CYP4F3: variants seen among roughly 807,000 people sequenced by gnomAD.
CYP4F3 encodes the protein cytochrome P450 4F3.
A neutral mutation model predicts 54.8 loss-of-function variants in CYP4F3; 50 were observed. That is an observed-to-expected ratio of 0.91 (90% CI 0.73 to 1.16). The LOEUF (loss-of-function observed/expected upper bound fraction) is 1.16, where lower values mean the gene tolerates loss of function less well. Ranked by LOEUF, CYP4F3 falls within the 50% of genes most tolerant of loss-of-function variation. The probability of loss-of-function intolerance (pLI) is 0.00; values close to 1 mark genes in which losing one functional copy is unlikely to be tolerated. For synonymous variants in CYP4F3, 244 were observed against 262.6 expected, an observed-to-expected ratio of 0.93 and a Z score of 0.69; for missense variants, 715 against 676.2, an observed-to-expected ratio of 1.06 and a Z score of -0.64.
intron 7 of CYP4F3, among the ~76,000 whole-genome samples, chr19:15,650,862 CTT>C (rs1464265584): frequency 7.4e-4 from 39 of 52,702 alleles, no homozygotes; most frequent in African/African-American, 2.5e-3. Context: ...TTCTTTCTTT[CTT>C]TCTTTTTCTC....
chr19:15,651,172 C>T (rs1255098637), intron 7 of CYP4F3, among the ~76,000 whole-genome samples: 2 of 141,998 alleles, frequency 1.4e-5, no homozygotes, highest in East Asian at 4.1e-4. Flanking sequence ...CTGTGCCCCA[C>T]CTTGTCATGT....
chr19:15,647,318 C>A lies in CYP4F3; in HGVS notation c.519C>A (p.Ile173=), dbSNP rs139093819. Residue 173 remains isoleucine, a synonymous_variant, in exon 5 of 13, where the codon ATC becomes ATA. Transcript: ENST00000221307. ...AGATTTTCAATGAGAGTGTGAACAT[C>A]ATGCATGTGAGTTATTTGAAGCCAA... is the stretch of plus-strand genomic sequence containing the variant. ...YMKIFNESVN[I]MHAKWQLLAS... 4.3e-5 allele frequency: 70 copies of A among 1,614,222 alleles called. No individual in the cohort carries two copies. The Middle Eastern group carries it at 8.2e-4, about 19-fold the overall frequency.
At chr19:15,641,020 G>A (rs145211579) in intron 1 of CYP4F3, 75 bp downstream of exon 1, 433 of 216,826 alleles carry the variant, frequency 2.0e-3, no homozygotes, top group Non-Finnish European at 3.0e-3. Flanking sequence ...GGGATTGGGC[G>A]CACACATAGG....
rs1327240538 is a variant in CYP4F3, at chr19:15,660,817, A to G, written c.*1432A>G. 4 of 151,232 alleles carry G rather than the reference A, an allele frequency of 2.6e-5. No individual in the cohort carries two copies. In the East Asian group the frequency reaches 5.9e-4, roughly 22 times the overall value. The allele number at this position is 151,232 out of a possible 1,614,324, so 9.4% of individuals were successfully genotyped here. On this transcript the variant is annotated 3_prime_UTR_variant, in exon 13 of 13. Coordinates refer to ENST00000221307, the MANE Select transcript of CYP4F3 (RefSeq NM_000896.3). ...CTGCAACCTCCGCCTCCTGCGTTCA[A>G]GTGATTGTCCTGTCTCAGCCTCCCA...
intron 2 of CYP4F3, among the ~76,000 whole-genome samples, chr19:15,644,714 C>T (rs1279989117): frequency 3.3e-5 from 5 of 152,210 alleles, no homozygotes; most frequent in Non-Finnish European, 7.3e-5. Flanking sequence ...CTTTTCTGCT[C>T]TAGGCCCTGG....
intron 8 of CYP4F3, 91 bp from the exon 9 acceptor site, chr19:15,652,732 C>T (rs950123735): frequency 1.2e-6 from 2 of 1,606,462 alleles, no homozygotes; most frequent in East Asian, 4.5e-5. Context: ...CCCCTTCCCC[C>T]ATCCTCCCTG....
chr19:15,655,209 A>G (rs1193272090), intron 9 of CYP4F3, among the ~76,000 whole-genome samples: 1 of 152,130 alleles, frequency 6.6e-6, no homozygotes, highest in Non-Finnish European at 1.5e-5. Context: ...TGCCCATTTT[A>G]AAATCAGATA....
intron 7 of CYP4F3, among the ~76,000 whole-genome samples, chr19:15,650,630 C>A: frequency 6.7e-6 from 1 of 150,176 alleles, no homozygotes; most frequent in Admixed American, 6.6e-5. Context: ...ATGTTTATGC[C>A]TTTGTGCTCT....
intron 7 of CYP4F3, 138 bp downstream of exon 7, chr19:15,650,321 A>C (rs770638161): frequency 2.6e-6 from 4 of 1,546,762 alleles, no homozygotes; most frequent in Middle Eastern, 1.7e-4. Context: ...CAGGTCAGAG[A>C]TAGGTTTTGG....
rs1170814728 is a variant in CYP4F3 at position 15,647,199 on chromosome 19, G to A, written c.400G>A (p.Asp134Asn). ...FYSFLKPWLG[D>N]GLLLSAGEKW... ...ATGGCCCTTGGCTGCCCTGCCAGGGGATGGGCTCCTGCTGAGTGCTGGTGA... is the reference window on the plus strand; with the variant it reads ...ATGGCCCTTGGCTGCCCTGCCAGGGAATGGGCTCCTGCTGAGTGCTGGTGA... The change falls in exon 5 of 13, where the codon GAT (aspartate) becomes AAT (asparagine). Residue 134 changes from aspartate (D) to asparagine (N), a missense_variant and splice_region_variant. Asp to Asn is a conservative substitution (Grantham distance 23). Coordinates refer to ENST00000221307, the MANE Select transcript of CYP4F3 (RefSeq NM_000896.3). The A allele has an allele frequency of 1.2e-6, 2 of 1,614,136 alleles. No homozygotes were observed. The highest frequency in any genetic ancestry group is 2.7e-5 in the African/African-American group (2 of 74,948).
intron 7 of CYP4F3, among the ~76,000 whole-genome samples, chr19:15,650,746 C>T (rs1394899887): frequency 7.6e-5 from 6 of 79,374 alleles, no homozygotes; most frequent in East Asian, 5.7e-4. Flanking sequence ...CTTTTCCTTC[C>T]TTCCATCTTT....
rs551320769 is a variant in CYP4F3 at position 15,660,540 on chromosome 19, C to T, written c.*1155C>T. The stretch of plus-strand genomic sequence containing the variant: ...CAATTTTATGGACTGGACGTTAACT[C>T]TCTTGCTCAAGGTCACTCTGAGTGG... On this transcript the variant is annotated 3_prime_UTR_variant, in exon 13 of 13. Coordinates refer to ENST00000221307, the MANE Select transcript of CYP4F3 (RefSeq NM_000896.3). The T allele has an allele frequency of 9.0e-6, 1 of 110,788 alleles. No homozygotes were observed. The highest frequency in any genetic ancestry group is 1.8e-5 in the Non-Finnish European group (1 of 54,626). The allele number at this position is 110,788 out of a possible 1,614,324, so 6.9% of individuals were successfully genotyped here.
chr19:15,652,478 C>T, intron 7 of CYP4F3, 91 bp from the exon 8 acceptor site: 2 of 1,555,018 alleles, frequency 1.3e-6, no homozygotes, highest in Non-Finnish European at 1.7e-6. Context: ...GATGAATCTT[C>T]AGAGACTGTC....
At chr19:15,644,825 T>A (rs1407877655) in intron 2 of CYP4F3, among the ~76,000 whole-genome samples, 1 of 152,200 alleles carries the variant, frequency 6.6e-6, no homozygotes, top group African/African-American at 2.4e-5. Flanking sequence ...ACAGGCAGCA[T>A]CCTACAGAGA....
At chr19:15,644,141 T>G in intron 2 of CYP4F3, 2 of 1,378,390 alleles carry the variant, frequency 1.5e-6, no homozygotes, top group Non-Finnish European at 1.9e-6. Flanking sequence ...GCCCCTGCAG[T>G]ACTCTGGTCT....
chr19:15,643,906 G>T, intron 2 of CYP4F3: 1 of 1,563,412 alleles, frequency 6.4e-7, no homozygotes, highest in East Asian at 2.4e-5. Flanking sequence ...CTTGCTTGCA[G>T]GTCACCCCCA....
Position 15,659,237 on chromosome 19 carries a change from C to T in CYP4F3, c.1415C>T (p.Ala472Val), listed in dbSNP as rs759263461. The T allele has an allele frequency of 4.0e-5, 64 of 1,609,846 alleles. No homozygotes were observed. Among genetic ancestry groups the T allele is most frequent in the Non-Finnish European group, 4.7e-5 (55 of 1,178,852 alleles). Residue 472 changes from alanine (A) to valine (V), a missense_variant, in exon 13 of 13, where the codon GCG (alanine) becomes GTG (valine). Ala to Val is a moderately conservative substitution (Grantham distance 64). Transcript: ENST00000221307. ...TCCCCAAGGAACTGCATCGGGCAGG[C>T]GTTCGCGATGGCGGAGATGAAGGTG... Reference protein sequence around the residue: ...SAGPRNCIGQAFAMAEMKVVL... With the variant: ...SAGPRNCIGQVFAMAEMKVVL...
At chr19:15,646,579 T>A (rs1371379254) in intron 3 of CYP4F3, among the ~76,000 whole-genome samples, 2 of 152,276 alleles carry the variant, frequency 1.3e-5, no homozygotes, top group South Asian at 4.1e-4. Context: ...TACCATCTCA[T>A]GTTAGGAATT....
rs372884261 is a variant in CYP4F3 at position 15,658,415 on chromosome 19, G to A, written c.1249+18G>A. The A allele has an allele frequency of 3.1e-6, 5 of 1,613,534 alleles. No homozygotes were observed. The African/African-American group carries it at 5.3e-5, about 17-fold the overall frequency. On this transcript the variant is annotated intron_variant, in intron 10 of 12. Coordinates refer to ENST00000221307, the MANE Select transcript of CYP4F3 (RefSeq NM_000896.3). ...CCCCAAAGGTGCCACAGCCTCAGGG[G>A]GAGGAGCCTCCTGGGTAGGAAGAGG...
Sources: allele counts gnomAD v4.1 joint callset (sites outside exome capture counted in the v4.1 genomes callset), GRCh38; gene constraint gnomAD v4.1.1; transcripts MANE v1.5; gene names NCBI Gene and HGNC (gene_info 2026-07-23, HGNC 2026-07-21).